The following LRRTM4 variants were observed in gnomAD, a reference collection of about 807,000 sequenced individuals.
LRRTM4 encodes leucine rich repeat transmembrane neuronal 4, also known as leucine-rich repeat transmembrane neuronal protein 4.
In LRRTM4, 25 loss-of-function variants were observed where a neutral mutation model predicts 47.6. That is an observed-to-expected ratio of 0.53 (90% CI 0.38 to 0.73). The LOEUF is 0.73. Among genes scored for constraint, LRRTM4 ranks in the 30% least tolerant of loss-of-function variants. The probability of loss-of-function intolerance (pLI) is 0.00; values close to 1 mark genes in which losing one functional copy is unlikely to be tolerated. For synonymous variants in LRRTM4, 311 were observed against 269.5 expected (o/e 1.15, Z -1.51); for missense variants, 638 against 713.4 (o/e 0.89, Z 1.20).
chr2:76,949,923 G>A (rs10199630), intron 3 of LRRTM4, among the ~76,000 whole-genome samples: 36,716 of 151,626 alleles, frequency 0.24, 5,614 homozygotes, highest in African/African-American at 0.43. Context: ...CAAATTAAGA[G>A]CCATGAGAAA....
At chr2:77,041,010 C>G (rs1679011080) in intron 3 of LRRTM4, among the ~76,000 whole-genome samples, 1 of 151,408 alleles carries the variant, frequency 6.6e-6, no homozygotes, top group East Asian at 1.9e-4. Context: ...GTGCACAGAA[C>G]AACAGAACTT....
chr2:77,431,173 T>G (rs1335533059), intron 3 of LRRTM4, among the ~76,000 whole-genome samples: 1 of 149,108 alleles, frequency 6.7e-6, no homozygotes, highest in East Asian at 1.9e-4. Context: ...CTAATAAATC[T>G]TCTCGTCTAT....
rs1269742206 is a variant in LRRTM4 at position 77,518,709 on chromosome 2, G to A, written c.1160C>T (p.Pro387Leu). The change falls in exon 3 of 4, where the codon CCT (proline) becomes CTT (leucine). Residue 387 changes from proline (P) to leucine (L), a missense_variant. Transcript: ENST00000409884. ...GGTGACGTCAGGTTTGAAGATGGTAGGTCTAGGGATAATCAGAGGTTTCTG... is the reference window on the plus strand; with the variant it reads ...GGTGACGTCAGGTTTGAAGATGGTAAGTCTAGGGATAATCAGAGGTTTCTG... ...TPQKPLIIPR[P>L]TIFKPDVTQS... The A allele has an allele frequency of 6.2e-7, 1 of 1,613,408 alleles. No individual in the cohort carries two copies. The highest frequency in any genetic ancestry group is 8.5e-7 in the Non-Finnish European group (1 of 1,179,638).
intron 3 of LRRTM4, among the ~76,000 whole-genome samples, chr2:77,226,471 T>C (rs1250888095): frequency 4.0e-5 from 6 of 151,240 alleles, no homozygotes. Flanking sequence ...ATCCTGCCAT[T>C]GTTGGTGTTT....
intron 3 of LRRTM4, among the ~76,000 whole-genome samples, chr2:77,310,046 A>C (rs535069891): frequency 6.6e-6 from 1 of 152,052 alleles, no homozygotes; most frequent in Admixed American, 6.6e-5. Flanking sequence ...TGCTCTTTAC[A>C]AAAAAAACTT....
At chr2:77,520,266 C>G (rs1393193623) in intron 2 of LRRTM4, among the ~76,000 whole-genome samples, 1 of 152,044 alleles carries the variant, frequency 6.6e-6, no homozygotes, top group Non-Finnish European at 1.5e-5. Context: ...AAAAATGTGA[C>G]TTAGTAAACC....
chr2:77,257,841 G>A (rs982075413), intron 3 of LRRTM4, among the ~76,000 whole-genome samples: 1 of 151,888 alleles, frequency 6.6e-6, no homozygotes, highest in Non-Finnish European at 1.5e-5. Flanking sequence ...ATATTCAATA[G>A]CAATACCCAT....
chr2:77,413,287 G>A (rs1053322177), intron 3 of LRRTM4, among the ~76,000 whole-genome samples: 1 of 152,106 alleles, frequency 6.6e-6, no homozygotes, highest in Non-Finnish European at 1.5e-5. Context: ...TAGTTGCTGC[G>A]AAGGCTCAAA....
chr2:77,458,426 A>G (rs1676648213), intron 3 of LRRTM4, among the ~76,000 whole-genome samples: 7 of 152,076 alleles, frequency 4.6e-5, no homozygotes, highest in Admixed American at 4.6e-4. Context: ...CTTCATTTGG[A>G]GCCAGTTGTA....
intron 3 of LRRTM4, among the ~76,000 whole-genome samples, chr2:77,249,131 C>G (rs1357350247): frequency 6.6e-6 from 1 of 151,970 alleles, no homozygotes; most frequent in Non-Finnish European, 1.5e-5. Flanking sequence ...ATGTGGATCA[C>G]CTGAGGTTGG....
chr2:76,749,251 G>T (rs1268492482), intron 3 of LRRTM4, among the ~76,000 whole-genome samples: 17 of 152,166 alleles, frequency 1.1e-4, no homozygotes, highest in Non-Finnish European at 4.4e-5. Context: ...ACATTTGAAT[G>T]TAGATCTTAA....
chr2:76,833,222 G>C (rs1310841105), intron 3 of LRRTM4, among the ~76,000 whole-genome samples: 4 of 152,088 alleles, frequency 2.6e-5, no homozygotes, highest in Non-Finnish European at 5.9e-5. Context: ...ATCATAAAGG[G>C]TGAAGAGTTT....
chr2:76,859,884 G>A (rs1672261660), intron 3 of LRRTM4, among the ~76,000 whole-genome samples: 1 of 151,864 alleles, frequency 6.6e-6, no homozygotes, highest in South Asian at 2.1e-4. Flanking sequence ...ATAAATATAT[G>A]GTTTCTCATT....
At chr2:76,818,816 T>C (rs1670972839) in intron 3 of LRRTM4, among the ~76,000 whole-genome samples, 1 of 151,738 alleles carries the variant, frequency 6.6e-6, no homozygotes, top group Non-Finnish European at 1.5e-5. Flanking sequence ...ATAAAATTAT[T>C]AAAGTTACAA....
At chr2:77,219,785 G>A (rs1383686667) in intron 3 of LRRTM4, among the ~76,000 whole-genome samples, 1 of 152,140 alleles carries the variant, frequency 6.6e-6, no homozygotes, top group East Asian at 1.9e-4. Context: ...TGGGGGCAGG[G>A]CATAGACAAT....
At chr2:76,944,813 A>G (rs923765969) in intron 3 of LRRTM4, among the ~76,000 whole-genome samples, 6 of 152,110 alleles carry the variant, frequency 3.9e-5, no homozygotes, top group Admixed American at 1.3e-4. Flanking sequence ...ACAAATGGCG[A>G]GTAAAAAGAG....
intron 3 of LRRTM4, among the ~76,000 whole-genome samples, chr2:77,318,000 CTTT>C (rs61212194): frequency 0.014 from 1,358 of 99,680 alleles, 16 homozygotes; most frequent in African/African-American, 0.051. Context: ...ATTCCTAACA[CTTT>C]TTTTTTTTTT....
At chr2:77,345,238 G>T (rs1263195808) in intron 3 of LRRTM4, among the ~76,000 whole-genome samples, 1 of 151,560 alleles carries the variant, frequency 6.6e-6, no homozygotes, top group African/African-American at 2.4e-5. Flanking sequence ...TATAAATGGT[G>T]TAATCACAAT....
At chr2:77,275,788 T>G (rs1225624693) in intron 3 of LRRTM4, among the ~76,000 whole-genome samples, 1 of 151,972 alleles carries the variant, frequency 6.6e-6, no homozygotes, top group Non-Finnish European at 1.5e-5. Context: ...AAGAGTAATG[T>G]GATACCAAAT....
Sources: allele counts gnomAD v4.1 joint callset (sites outside exome capture counted in the v4.1 genomes callset), GRCh38; gene constraint gnomAD v4.1.1; transcripts MANE v1.5; gene names NCBI Gene and HGNC (gene_info 2026-07-23, HGNC 2026-07-21).